Variants in CUL3 observed in about 807,000 individuals in gnomAD.
The protein encoded by CUL3 is cullin-3.
Under a neutral mutation model 89.1 loss-of-function variants are expected in CUL3, and 19 were observed. That is an observed-to-expected ratio of 0.21 (90% CI 0.15 to 0.31). The LOEUF is 0.31. Ranked by LOEUF, CUL3 falls within the 10% of genes least tolerant of loss-of-function variation. The pLI is 1.00. For synonymous variants in CUL3, 351 were observed against 308.4 expected (o/e 1.14, Z -1.45); for missense variants, 469 against 942.3 (o/e 0.50, Z 6.58).
At chr2:224,572,104 A>T (rs1005213739) in intron 1 of CUL3, among the ~76,000 whole-genome samples, 2 of 152,186 alleles carry the variant, frequency 1.3e-5, no homozygotes, top group African/African-American at 4.8e-5. Flanking sequence ...TTGAGTTATT[A>T]CGGCTACATG....
At chr2:224,564,930 C>G (rs887902144) in intron 1 of CUL3, among the ~76,000 whole-genome samples, 2 of 152,130 alleles carry the variant, frequency 1.3e-5, no homozygotes, top group African/African-American at 4.8e-5. Flanking sequence ...GAAACATAAG[C>G]CTTATATTTT....
intron 3 of CUL3, among the ~76,000 whole-genome samples, chr2:224,522,497 GAT>G (rs1693304147): frequency 6.6e-6 from 1 of 152,140 alleles, no homozygotes; most frequent in African/African-American, 2.4e-5. Context: ...AGAAGCATAT[GAT>G]ATGGTGTCAA....
chr2:224,560,016 G>A (rs1349107887), intron 1 of CUL3, among the ~76,000 whole-genome samples: 1 of 152,126 alleles, frequency 6.6e-6, no homozygotes, highest in Admixed American at 6.6e-5. Flanking sequence ...CCGGGAGGTC[G>A]AGGCTGCAGT....
intron 2 of CUL3, among the ~76,000 whole-genome samples, chr2:224,555,874 A>G (rs1190137933): frequency 6.6e-6 from 1 of 152,174 alleles, no homozygotes; most frequent in African/African-American, 2.4e-5. Context: ...CTTGCCACTT[A>G]ATTATATAAT....
At chr2:224,558,105 A>T (rs1042577298) in intron 1 of CUL3, among the ~76,000 whole-genome samples, 17 of 152,110 alleles carry the variant, frequency 1.1e-4, no homozygotes, top group African/African-American at 4.1e-4. Context: ...TCTTACCTGG[A>T]GCAGAACTCT....
intron 1 of CUL3, among the ~76,000 whole-genome samples, chr2:224,573,758 G>T (rs1009886751): frequency 6.6e-6 from 1 of 152,108 alleles, no homozygotes; most frequent in Non-Finnish European, 1.5e-5. Context: ...TTCTCTAGGC[G>T]TATATGTAAT....
At chr2:224,548,695 CCT>C (rs780301559) in intron 2 of CUL3, among the ~76,000 whole-genome samples, 7 of 152,044 alleles carry the variant, frequency 4.6e-5, no homozygotes, top group South Asian at 4.1e-4. Context: ...AAGTTTCTCC[CCT>C]GACTTCAAGA....
intron 3 of CUL3, among the ~76,000 whole-genome samples, chr2:224,534,170 C>T (rs1693794789): frequency 1.3e-5 from 2 of 152,134 alleles, no homozygotes; most frequent in Admixed American, 6.5e-5. Context: ...ATGAATCTAG[C>T]GTCATTCTAT....
intron 2 of CUL3, among the ~76,000 whole-genome samples, chr2:224,539,485 C>A (rs1041558063): frequency 6.6e-6 from 1 of 152,152 alleles, no homozygotes. Context: ...CTTACGTCCA[C>A]ACAAAACCCC....
At chr2:224,583,465 TCA>T (rs1368757281) in intron 1 of CUL3, among the ~76,000 whole-genome samples, 1 of 152,174 alleles carries the variant, frequency 6.6e-6, no homozygotes, top group Non-Finnish European at 1.5e-5. Context: ...TTAATATCAC[TCA>T]CAAATGCATA....
At chr2:224,559,232 T>C (rs1387605934) in intron 1 of CUL3, among the ~76,000 whole-genome samples, 1 of 151,918 alleles carries the variant, frequency 6.6e-6, no homozygotes, top group Non-Finnish European at 1.5e-5. Flanking sequence ...GAAGGATCAC[T>C]GGAGCTTAGG....
intron 1 of CUL3, among the ~76,000 whole-genome samples, chr2:224,558,163 C>A (rs1045662866): frequency 6.6e-6 from 1 of 152,114 alleles, no homozygotes; most frequent in Non-Finnish European, 1.5e-5. Context: ...AAGTCACTTA[C>A]CCCTTATCTC....
chr2:224,551,106 C>T (rs529427242), intron 2 of CUL3, among the ~76,000 whole-genome samples: 1 of 151,108 alleles, frequency 6.6e-6, no homozygotes, highest in Non-Finnish European at 1.5e-5. Flanking sequence ...GCCCAGGCTG[C>T]AGTGCAGTAG....
chr2:224,549,006 A>AAACAAC (rs534685744), intron 2 of CUL3, among the ~76,000 whole-genome samples: 12 of 150,894 alleles, frequency 8.0e-5, no homozygotes, highest in African/African-American at 1.5e-4. Context: ...GGTCTCCAAA[A>AAACAAC]AACAACAACA....
chr2:224,549,299 C>A (rs1433516200), intron 2 of CUL3, among the ~76,000 whole-genome samples: 2 of 147,762 alleles, frequency 1.4e-5, no homozygotes, highest in African/African-American at 5.0e-5. Context: ...GCCTGGGCGA[C>A]AGCAAGACCT....
Position 224,497,940 on chromosome 2 carries a change from G to A in CUL3, c.1611-91C>T, listed in dbSNP as rs549467197. 1.2e-5 allele frequency: 10 copies of A among 853,608 alleles called. No individual in the cohort carries two copies. In the African/African-American group the frequency reaches 1.7e-4, roughly 14 times the overall value. The allele number at this position is 853,608 out of a possible 1,614,324, so 52.9% of individuals were successfully genotyped here. A position where few individuals can be genotyped will look rare whatever the true frequency, so the allele number is the denominator to read the frequency against. On this transcript the variant is annotated intron_variant, in intron 11 of 15. Coordinates refer to ENST00000264414, the MANE Select transcript of CUL3 (RefSeq NM_003590.5). ...AGGATAACATCCCTTAAACATTTGT[G>A]TGTGTGTGTGTGTGTGTATGGACTT...
rs1259423968 is a variant in CUL3 at position 224,471,576 on chromosome 2, C to CATAATTACA, written c.*2660_*2668dup. The CATAATTACA allele has an allele frequency of 5.0e-6, 1 of 199,558 alleles. No individual in the cohort carries two copies. Among genetic ancestry groups the CATAATTACA allele is most frequent in the Non-Finnish European group, 1.0e-5 (1 of 96,672 alleles). The allele number at this position is 199,558 out of a possible 1,614,324, so 12.4% of individuals were successfully genotyped here. ...TCAGCATCTTGGGGGTTTGATAGTA[C>CATAATTACA]ATAATTACAATGCTACACAGGTGAC... is the stretch of plus-strand genomic sequence containing the variant. On this transcript the variant is annotated 3_prime_UTR_variant, in exon 16 of 16. Coordinates refer to ENST00000264414, the MANE Select transcript of CUL3 (RefSeq NM_003590.5).
intron 1 of CUL3, among the ~76,000 whole-genome samples, chr2:224,560,877 A>C (rs1053676736): frequency 6.6e-6 from 1 of 152,150 alleles, no homozygotes; most frequent in African/African-American, 2.4e-5. Flanking sequence ...ATAATCTCTC[A>C]ACTTCATCCA....
Position 224,564,540 on chromosome 2 carries a change from G to C in CUL3, c.67-6684C>G, listed in dbSNP as rs73077730. Among the ~76,000 whole-genome samples, 173 of 152,256 alleles carry C rather than the reference G, an allele frequency of 1.1e-3. 1 individual carries two copies. The highest frequency in any genetic ancestry group is 3.4e-3 in the Middle Eastern group (1 of 294). On this transcript the variant is annotated intron_variant, in intron 1 of 15. Transcript: ENST00000264414. ...ATTGTTTTACTTTATTATTGTTGTT[G>C]CTAATCTCTTATTGTTTCTAAATTG...
Sources: gnomAD v4.1 joint callset for allele counts (sites outside exome capture counted in the v4.1 genomes callset) on GRCh38, gnomAD v4.1.1 for gene constraint, MANE v1.5 for transcripts, NCBI Gene and HGNC (gene_info 2026-07-23, HGNC 2026-07-21) for gene names.